Variants in ZNHIT6 observed in about 807,000 individuals in gnomAD.
ZNHIT6 encodes zinc finger HIT-type containing 6, also known as box C/D snoRNA protein 1.
ZNHIT6 carries 45 observed loss-of-function variants against 57.2 expected under a neutral mutation model. The ratio of observed to expected loss-of-function variants is 0.79; its 90% CI spans 0.62 to 1.01. ZNHIT6 has a LOEUF of 1.01. Among genes scored for constraint, ZNHIT6 ranks in the 50% least tolerant of loss-of-function variants. The probability of loss-of-function intolerance (pLI) is 0.00; values close to 1 mark genes in which losing one functional copy is unlikely to be tolerated. For synonymous variants in ZNHIT6, 188 were observed against 190.0 expected, an observed-to-expected ratio of 0.99 and a Z score of 0.09; for missense variants, 528 against 567.3, an observed-to-expected ratio of 0.93 and a Z score of 0.70.
intron 8 of ZNHIT6, among the ~76,000 whole-genome samples, chr1:85,665,613 T>G (rs1661350528): frequency 6.6e-6 from 1 of 152,196 alleles, no homozygotes; most frequent in Non-Finnish European, 1.5e-5. Context: ...TTAAAATTCT[T>G]TCTCCTCCAT....
Position 85,702,171 on chromosome 1 carries a change from G to C in ZNHIT6, c.1005C>G (p.Thr335=). The change falls in exon 5 of 10, where the codon ACC becomes ACG. Residue 335 remains threonine, a synonymous_variant. Coordinates refer to ENST00000370574, the MANE Select transcript of ZNHIT6 (RefSeq NM_017953.4). ...TAGAAACTTACTTCTTATCAAAAAA[G>C]GTTGAATTCTCCTTCCTCTTGGTGA... ...NGFTKRKENS[T]FFDKKKQQFC... 6.2e-7 allele frequency: 1 copy of C among 1,603,902 alleles called. No individual in the cohort carries two copies. The highest frequency in any genetic ancestry group is 8.5e-7 in the Non-Finnish European group (1 of 1,176,248).
chr1:85,670,591 CA>C (rs1337615826), intron 8 of ZNHIT6, among the ~76,000 whole-genome samples: 2 of 152,160 alleles, frequency 1.3e-5, no homozygotes, highest in East Asian at 3.8e-4. Context: ...GAGAGTTAAT[CA>C]TCATGTGATT....
chr1:85,654,092 C>T lies in ZNHIT6; in HGVS notation c.1379G>A (p.Ser460Asn), dbSNP rs896729576. The change falls in exon 10 of 10, where the codon AGT becomes AAT. Residue 460 changes from serine (S) to asparagine (N), a missense_variant. Coordinates refer to ENST00000370574, the MANE Select transcript of ZNHIT6 (RefSeq NM_017953.4). The stretch of plus-strand genomic sequence containing the variant: ...ATTGCCAACGTTCTTGGTAGATTCA[C>T]TCTTCACTAGAAAAAAATAAGTAAA... Reference protein sequence around the residue: ...NDMKVLHQVKSESTKNVGNEN With the variant: ...NDMKVLHQVKNESTKNVGNEN 2.7e-5 allele frequency: 43 copies of T among 1,611,550 alleles called. No homozygotes were observed. Among genetic ancestry groups the T allele is most frequent in the Non-Finnish European group, 3.6e-5 (43 of 1,179,130 alleles).
intron 5 of ZNHIT6, among the ~76,000 whole-genome samples, chr1:85,685,825 C>T (rs1297524501): frequency 1.3e-5 from 2 of 152,098 alleles, no homozygotes; most frequent in African/African-American, 4.8e-5. Flanking sequence ...TCCCAAAGTG[C>T]TGAGATTACA....
Position 85,677,236 on chromosome 1 carries a change from CT to C in ZNHIT6, c.1246del (p.Arg416AspfsTer5). 1 of 1,594,086 alleles carries C rather than the reference CT, an allele frequency of 6.3e-7. No individual in the cohort carries two copies. The highest frequency in any genetic ancestry group is 1.2e-5 in the South Asian group (1 of 85,676). On this transcript the variant is annotated frameshift_variant and splice_region_variant, in exon 8 of 10. Transcript: ENST00000370574. LOFTEE classifies it high-confidence loss of function. Reference sequence around the variant, plus strand: ...GAAATGGGGAGGGGAGCAATTTTACCTTACTAAATTTTGCTGCATATATTCA... The same window carrying C: ...GAAATGGGGAGGGGAGCAATTTTACCTACTAAATTTTGCTGCATATATTCA... ...KIEYMQQNLVRYYELDPYKSL... is the reference protein window; with the variant it reads ...KIEYMQQNLVXYYELDPYKSL...
At chr1:85,668,974 G>A (rs936726178) in intron 8 of ZNHIT6, among the ~76,000 whole-genome samples, 16 of 151,576 alleles carry the variant, frequency 1.1e-4, no homozygotes, top group Middle Eastern at 3.4e-3. Context: ...TCACCCTTGG[G>A]AGACAGAGAT....
intron 5 of ZNHIT6, among the ~76,000 whole-genome samples, chr1:85,687,481 G>A (rs1308868175): frequency 2.6e-5 from 4 of 151,856 alleles, no homozygotes; most frequent in African/African-American, 9.7e-5. Context: ...GGCCCTGAAT[G>A]CTCTGCTAAG....
At chr1:85,660,954 C>T (rs188589758) in intron 8 of ZNHIT6, among the ~76,000 whole-genome samples, 6 of 152,194 alleles carry the variant, frequency 3.9e-5, no homozygotes, top group African/African-American at 1.2e-4. Context: ...ATCAGCAATA[C>T]GCTATTGAGT....
chr1:85,691,993 A>T (rs1445093474), intron 5 of ZNHIT6, among the ~76,000 whole-genome samples: 2 of 152,124 alleles, frequency 1.3e-5, no homozygotes, highest in African/African-American at 4.8e-5. Flanking sequence ...ACACGGTGAA[A>T]CCCTGCCTCT....
At chr1:85,654,224 G>A (rs774005209) in intron 9 of ZNHIT6, 126 bp from the exon 10 acceptor site, 21 of 662,974 alleles carry the variant, frequency 3.2e-5, no homozygotes, top group Non-Finnish European at 4.5e-5. Flanking sequence ...CACAAACCGC[G>A]TCATGTCCCA....
At chr1:85,702,484 C>G (rs144721804) in intron 4 of ZNHIT6, among the ~76,000 whole-genome samples, 1 of 152,264 alleles carries the variant, frequency 6.6e-6, no homozygotes, top group Non-Finnish European at 1.5e-5. Flanking sequence ...ATACAGCTAT[C>G]CCAGAGAGAT....
chr1:85,704,821 GAT>G (rs1277494456), intron 4 of ZNHIT6, among the ~76,000 whole-genome samples: 1 of 152,038 alleles, frequency 6.6e-6, no homozygotes, highest in Non-Finnish European at 1.5e-5. Context: ...ACAATTCCAG[GAT>G]ACGATTTAAT....
intron 8 of ZNHIT6, among the ~76,000 whole-genome samples, chr1:85,664,611 G>C (rs1167512155): frequency 6.6e-6 from 1 of 152,094 alleles, no homozygotes; most frequent in Non-Finnish European, 1.5e-5. Context: ...AAAGAACTAG[G>C]AACTAGGTGA....
intron 9 of ZNHIT6, among the ~76,000 whole-genome samples, chr1:85,654,684 A>G (rs1175751952): frequency 1.3e-5 from 2 of 152,186 alleles, no homozygotes; most frequent in Non-Finnish European, 2.9e-5. Flanking sequence ...AATTTAGAGT[A>G]TGTTTGCTGA....
rs1378459022 is a variant in ZNHIT6 at position 85,680,852 on chromosome 1, C to T, written c.1072G>A (p.Glu358Lys). ...VKLQFPQSQA[E>K]YIEKRVPDDK... Reference sequence around the variant, plus strand: ...CAGTGATACCTTTTTTCTATGTACTCAGCTTGACTTTGAGGAAACTGGAGC... The same window carrying T: ...CAGTGATACCTTTTTTCTATGTACTTAGCTTGACTTTGAGGAAACTGGAGC... Residue 358 changes from glutamate (E) to lysine (K), a missense_variant, in exon 6 of 10, where the codon GAG becomes AAG. Coordinates refer to ENST00000370574, the MANE Select transcript of ZNHIT6 (RefSeq NM_017953.4). 1.9e-6 allele frequency: 3 copies of T among 1,612,386 alleles called. No individual in the cohort carries two copies. The highest frequency in any genetic ancestry group is 2.5e-6 in the Non-Finnish European group (3 of 1,179,238).
intron 5 of ZNHIT6, among the ~76,000 whole-genome samples, chr1:85,697,952 C>A (rs960410369): frequency 6.6e-6 from 1 of 152,078 alleles, no homozygotes; most frequent in African/African-American, 2.4e-5. Context: ...AAGCTATAGA[C>A]CCTACAAAGA....
chr1:85,672,341 C>T (rs1350738593), intron 8 of ZNHIT6, among the ~76,000 whole-genome samples: 1 of 152,108 alleles, frequency 6.6e-6, no homozygotes. Context: ...CAGATCCAGA[C>T]AGCGTTAGTA....
At chr1:85,664,157 G>A (rs2100654169) in intron 8 of ZNHIT6, among the ~76,000 whole-genome samples, 2 of 152,276 alleles carry the variant, frequency 1.3e-5, no homozygotes, top group South Asian at 4.1e-4. Flanking sequence ...CAAGTTGTTT[G>A]CTTTCTCCCC....
At position 85,707,660 on chromosome 1, in the gene ZNHIT6, C is replaced by G. The variant is rs1290651856; in HGVS notation, c.625G>C (p.Val209Leu). The G allele has an allele frequency of 1.3e-6, 2 of 1,560,588 alleles. No individual in the cohort carries two copies. Among genetic ancestry groups the G allele is most frequent in the Admixed American group, 1.9e-5 (1 of 51,410 alleles). The change falls in exon 1 of 10, where the codon GTG (valine) becomes CTG (leucine). Residue 209 changes from valine (V) to leucine (L), a missense_variant. By Grantham distance (32) the Val-to-Leu change is conservative. Transcript: ENST00000370574. The stretch of plus-strand genomic sequence containing the variant: ...ATGGCCAGTTTCCGCTTGCAGCCCA[C>G]CGGGTGATTTATCGGAGGCTCTTCT... Reference protein sequence around the residue: ...VKEEPPINHPVGCKRKLAMSR... With the variant: ...VKEEPPINHPLGCKRKLAMSR...
Sources: allele counts gnomAD v4.1 joint callset (sites outside exome capture counted in the v4.1 genomes callset), GRCh38; gene constraint gnomAD v4.1.1; transcripts MANE v1.5; gene names NCBI Gene and HGNC (gene_info 2026-07-23, HGNC 2026-07-21).